The following KSR1 variants were observed in gnomAD, a reference collection of about 807,000 sequenced individuals.
KSR1 encodes the protein kinase suppressor of ras 1.
KSR1 carries 35 observed loss-of-function variants against 92.9 expected under a neutral mutation model. The ratio of observed to expected loss-of-function variants is 0.38; its 90% CI spans 0.29 to 0.50. The LOEUF (loss-of-function observed/expected upper bound fraction) is 0.50. Ranked by LOEUF, KSR1 falls within the 20% of genes least tolerant of loss-of-function variation. The pLI, the probability that KSR1 is intolerant of heterozygous loss-of-function variation, is 0.94. For synonymous variants in KSR1, 467 were observed against 472.6 expected (o/e 0.99, Z 0.15); for missense variants, 972 against 1,158.5 (o/e 0.84, Z 2.34).
chr17:27,461,622 C>T (rs1417399823), intron 1 of KSR1, among the ~76,000 whole-genome samples: 1 of 152,180 alleles, frequency 6.6e-6, no homozygotes, highest in Non-Finnish European at 1.5e-5. Flanking sequence ...GTAACTTTTT[C>T]CCTGGTGAAA....
At chr17:27,508,128 C>T (rs1321945804) in intron 1 of KSR1, among the ~76,000 whole-genome samples, 1 of 152,136 alleles carries the variant, frequency 6.6e-6, no homozygotes, top group East Asian at 1.9e-4. Flanking sequence ...AGCCACCCTG[C>T]TAATACATTA....
At chr17:27,521,069 C>G (rs933141862) in intron 1 of KSR1, among the ~76,000 whole-genome samples, 6 of 152,212 alleles carry the variant, frequency 3.9e-5, no homozygotes, top group African/African-American at 1.4e-4. Context: ...CACCGTGGTT[C>G]TGAACCCTGT....
chr17:27,564,243 G>A (rs550648298), intron 2 of KSR1, among the ~76,000 whole-genome samples: 8 of 152,070 alleles, frequency 5.3e-5, no homozygotes, highest in South Asian at 2.1e-4. Context: ...TGCCTGCCTC[G>A]GCCTCCCAAA....
At chr17:27,506,699 A>G (rs1302751600) in intron 1 of KSR1, among the ~76,000 whole-genome samples, 1 of 83,470 alleles carries the variant, frequency 1.2e-5, no homozygotes, top group Non-Finnish European at 2.3e-5. Context: ...CCCACCCCCA[A>G]GCTGCATTTT....
intron 20 of KSR1, chr17:27,621,955 A>T (rs762242864): frequency 1.5e-5 from 24 of 1,612,664 alleles, no homozygotes; most frequent in Non-Finnish European, 2.0e-5. Flanking sequence ...CCTTGCATGC[A>T]CCAGGGGCTT....
intron 1 of KSR1, among the ~76,000 whole-genome samples, chr17:27,464,573 A>T (rs1470072299): frequency 6.6e-6 from 1 of 152,062 alleles, no homozygotes; most frequent in Non-Finnish European, 1.5e-5. Flanking sequence ...ATAAAATATT[A>T]GCCAGGGGTG....
At chr17:27,483,583 C>CA (rs533089502) in intron 1 of KSR1, 25,875 of 85,982 alleles carry the variant, frequency 0.3, 2,911 homozygotes, top group East Asian at 0.42. Flanking sequence ...GCGAAATTCT[C>CA]AAAAAAAAAA....
chr17:27,621,539 G>A (rs1183859256), intron 20 of KSR1, among the ~76,000 whole-genome samples: 1 of 152,192 alleles, frequency 6.6e-6, no homozygotes, highest in Non-Finnish European at 1.5e-5. Flanking sequence ...CTGGGTCGGA[G>A]AAAATTCTGG....
At chr17:27,474,927 C>CA (rs1473140777) in intron 1 of KSR1, among the ~76,000 whole-genome samples, 1 of 152,138 alleles carries the variant, frequency 6.6e-6, no homozygotes, top group African/African-American at 2.4e-5. Flanking sequence ...ACCACACACA[C>CA]ACTAAGGAAA....
At chr17:27,569,601 T>C (rs1424189772) in intron 2 of KSR1, among the ~76,000 whole-genome samples, 1 of 152,254 alleles carries the variant, frequency 6.6e-6, no homozygotes, top group African/African-American at 2.4e-5. Flanking sequence ...CATTTTGAAC[T>C]GGCGGGAGGA....
intron 5 of KSR1, among the ~76,000 whole-genome samples, chr17:27,586,219 C>T (rs1408279152): frequency 6.6e-6 from 1 of 152,170 alleles, no homozygotes; most frequent in South Asian, 2.1e-4. Context: ...CCCCCTTTCC[C>T]ACCCCCACCT....
rs1224129601 is a variant in KSR1 at position 27,577,665 on chromosome 17, C to T, written c.520+26C>T. ...GTACGTGGGGCCTGCCACCCTCTCC[C>T]TTGCCTGGCCTGGTGCCCTTGGGGC... On this transcript the variant is annotated intron_variant, in intron 3 of 20. Transcript: ENST00000644974. This position sits in a 1 kb window ranked among gnomAD's most constrained non-coding sequence, Gnocchi z 4.5. The T allele has an allele frequency of 1.3e-6, 2 of 1,507,330 alleles. No homozygotes were observed. The highest frequency in any genetic ancestry group is 1.8e-6 in the Non-Finnish European group (2 of 1,119,646). 93.4% of individuals were successfully genotyped at this position (1,507,330 alleles called of 1,614,324 possible).
At chr17:27,548,071 T>C (rs2071247973) in intron 1 of KSR1, among the ~76,000 whole-genome samples, 1 of 152,104 alleles carries the variant, frequency 6.6e-6, no homozygotes. Context: ...ATTTCCTTTA[T>C]AATTCGAAGT....
intron 18 of KSR1, among the ~76,000 whole-genome samples, chr17:27,616,407 T>C (rs1405998233): frequency 1.3e-5 from 2 of 152,260 alleles, no homozygotes; most frequent in Non-Finnish European, 2.9e-5. Flanking sequence ...AATTATATTT[T>C]CATTTCAAGC....
chr17:27,534,397 G>A (rs1360084251), intron 1 of KSR1, among the ~76,000 whole-genome samples: 3 of 152,232 alleles, frequency 2.0e-5, no homozygotes, highest in African/African-American at 7.2e-5. Context: ...TTTCATGATA[G>A]AGATGGCTGA....
intron 2 of KSR1, among the ~76,000 whole-genome samples, chr17:27,560,890 G>A (rs916725402): frequency 2.6e-5 from 4 of 152,214 alleles, no homozygotes; most frequent in Admixed American, 6.5e-5. Context: ...CAGCCTCCTG[G>A]AGGGATCTGT....
chr17:27,592,592 A>G lies in KSR1; in HGVS notation c.1265A>G (p.His422Arg), dbSNP rs1490624272. The G allele has an allele frequency of 6.2e-7, 1 of 1,613,780 alleles. No individual in the cohort carries two copies. The highest frequency in any genetic ancestry group is 8.5e-7 in the Non-Finnish European group (1 of 1,179,866). ...NNPVDRAAEPHFGTLPKALTK... is the reference protein window; with the variant it reads ...NNPVDRAAEPRFGTLPKALTK... ...CCGGTGGACAGAGCAGCCGAACCCC[A>G]TTTTGGAACCCTCCCCAAAGCACTG... is the stretch of plus-strand genomic sequence containing the variant. Residue 422 changes from histidine to arginine, a missense_variant, in exon 9 of 21, where the codon CAT (histidine) becomes CGT (arginine). Physicochemically the swap from His to Arg is conservative, Grantham distance 29 (BLOSUM62 0). This residue lies in a region of KSR1 where 611 missense variants were observed against 668.0 expected (regional missense o/e 0.91). Coordinates refer to ENST00000644974, the MANE Select transcript of KSR1 (RefSeq NM_001394583.1).
intron 1 of KSR1, among the ~76,000 whole-genome samples, chr17:27,493,822 G>A (rs2068897461): frequency 6.6e-6 from 1 of 152,178 alleles, no homozygotes; most frequent in South Asian, 2.1e-4. Context: ...CAGTAGCAGA[G>A]CTGGAGATTT....
At chr17:27,526,934 G>GTAA (rs2070327881) in intron 1 of KSR1, 1 of 605,176 alleles carries the variant, frequency 1.7e-6, no homozygotes, top group South Asian at 2.0e-5. Context: ...GGGGGCTGAC[G>GTAA]CTCCCTTTCA....
Sources: allele counts gnomAD v4.1 joint callset (sites outside exome capture counted in the v4.1 genomes callset), GRCh38; gene constraint gnomAD v4.1.1; regional missense constraint gnomAD v4.1.1; non-coding constraint Gnocchi (gnomAD v3.1); transcripts MANE v1.5; gene names NCBI Gene and HGNC (gene_info 2026-07-23, HGNC 2026-07-21).